AKAP19: variants seen among roughly 807,000 people sequenced by gnomAD.
AKAP19 encodes the protein A-kinase anchoring protein 19, also known as small A-kinase anchoring protein.
chr2:189,987,035 G>A, the AKAP19 span, among the ~76,000 whole-genome samples: 2 of 152,132 alleles, frequency 1.3e-5, no homozygotes, highest in Admixed American at 6.6e-5. Flanking sequence ...GGCATATAAA[G>A]GAACAGGAAA....
At chr2:189,991,498 T>C in the AKAP19 span, among the ~76,000 whole-genome samples, 1 of 152,338 alleles carries the variant, frequency 6.6e-6, no homozygotes, top group Admixed American at 6.5e-5. Context: ...ATATCTCTTT[T>C]GAGAACTGTC....
At chr2:189,955,359 G>C in the AKAP19 span, among the ~76,000 whole-genome samples, 3 of 151,994 alleles carry the variant, frequency 2.0e-5, no homozygotes, top group African/African-American at 7.3e-5. Flanking sequence ...TTAAAATCCA[G>C]TTATCCATTG....
the AKAP19 span, among the ~76,000 whole-genome samples, chr2:189,950,366 G>A: frequency 1.4e-5 from 2 of 144,570 alleles, no homozygotes; most frequent in Admixed American, 7.0e-5. Flanking sequence ...TTTAAGGTTA[G>A]GTAATGAACC....
At chr2:190,029,304 G>A in the AKAP19 span, among the ~76,000 whole-genome samples, 12 of 152,008 alleles carry the variant, frequency 7.9e-5, no homozygotes, top group Non-Finnish European at 1.5e-4. Context: ...TGCCCGCCTC[G>A]GCCTCCGAGA....
the AKAP19 span, among the ~76,000 whole-genome samples, chr2:190,127,676 T>C: frequency 6.6e-6 from 1 of 152,182 alleles, no homozygotes; most frequent in Non-Finnish European, 1.5e-5. Flanking sequence ...AAGGCAATGT[T>C]TACTACCATT....
At chr2:190,021,389 T>C in the AKAP19 span, among the ~76,000 whole-genome samples, 1 of 152,236 alleles carries the variant, frequency 6.6e-6, no homozygotes, top group Non-Finnish European at 1.5e-5. Context: ...TTGTATTCCC[T>C]AGTAGTTTGT....
chr2:189,894,932 T>G, the AKAP19 span, among the ~76,000 whole-genome samples: 1 of 151,518 alleles, frequency 6.6e-6, no homozygotes, highest in African/African-American at 2.4e-5. Context: ...ATTTAGAAAA[T>G]TTAGAATCAA....
the AKAP19 span, among the ~76,000 whole-genome samples, chr2:189,970,291 A>G: frequency 1.3e-5 from 2 of 152,200 alleles, no homozygotes; most frequent in African/African-American, 4.8e-5. Context: ...AAGACATAAA[A>G]CATTGCTAAT....
the AKAP19 span, among the ~76,000 whole-genome samples, chr2:190,174,360 A>G: frequency 6.6e-6 from 1 of 152,196 alleles, no homozygotes; most frequent in Admixed American, 6.5e-5. Context: ...TGCCCATCAG[A>G]GCAGCGCAGA....
the AKAP19 span, among the ~76,000 whole-genome samples, chr2:189,883,331 T>C: frequency 6.6e-6 from 1 of 152,164 alleles, no homozygotes; most frequent in Non-Finnish European, 1.5e-5. Flanking sequence ...TATAAGCCCG[T>C]ATTTCTTACT....
the AKAP19 span, among the ~76,000 whole-genome samples, chr2:190,099,596 A>G: frequency 6.6e-6 from 1 of 152,208 alleles, no homozygotes; most frequent in Non-Finnish European, 1.5e-5. Flanking sequence ...CGACAGAGAC[A>G]CCAAGTGAGC....
chr2:190,085,298 T>C, the AKAP19 span, among the ~76,000 whole-genome samples: 1 of 152,230 alleles, frequency 6.6e-6, no homozygotes, highest in African/African-American at 2.4e-5. Flanking sequence ...ATATTTACAA[T>C]ATTTTATATG....
At chr2:190,077,183 T>C in the AKAP19 span, among the ~76,000 whole-genome samples, 3 of 152,098 alleles carry the variant, frequency 2.0e-5, no homozygotes, top group Non-Finnish European at 4.4e-5. Context: ...ATATTTATAG[T>C]GGCTGTTTTA....
the AKAP19 span, among the ~76,000 whole-genome samples, chr2:189,883,396 A>G: frequency 1.3e-5 from 2 of 151,740 alleles, no homozygotes; most frequent in African/African-American, 4.8e-5. Context: ...GAAGATCTCA[A>G]CCTGACTATG....
the AKAP19 span, among the ~76,000 whole-genome samples, chr2:190,004,607 G>A: frequency 3.4e-4 from 51 of 149,322 alleles, no homozygotes; most frequent in Middle Eastern, 3.5e-3. Flanking sequence ...AGAGCAACAT[G>A]TTTTTCACAC....
At chr2:190,058,626 T>C in the AKAP19 span, among the ~76,000 whole-genome samples, 1 of 152,024 alleles carries the variant, frequency 6.6e-6, no homozygotes, top group East Asian at 1.9e-4. Context: ...AGCGGATGAA[T>C]GGATAAAGAA....
chr2:190,132,121 C>A, the AKAP19 span, among the ~76,000 whole-genome samples: 10 of 152,086 alleles, frequency 6.6e-5, no homozygotes, highest in South Asian at 2.1e-4. Context: ...GAACTGTACA[C>A]CGAAAGCTAT....
At chr2:189,941,979 CA>C in the AKAP19 span, among the ~76,000 whole-genome samples, 1 of 152,058 alleles carries the variant, frequency 6.6e-6, no homozygotes, top group Non-Finnish European at 1.5e-5. Flanking sequence ...AAAAGTATTC[CA>C]TGAAACTGGA....
the AKAP19 span, among the ~76,000 whole-genome samples, chr2:189,959,689 T>C: frequency 1.3e-5 from 2 of 152,192 alleles, no homozygotes; most frequent in African/African-American, 4.8e-5. Flanking sequence ...GTAGTAATTG[T>C]AAACTTAGGA....
Sources: gnomAD v4.1 joint callset for allele counts (sites outside exome capture counted in the v4.1 genomes callset) on GRCh38, gnomAD v4.1.1 for gene constraint, MANE v1.5 for transcripts, NCBI Gene and HGNC (gene_info 2026-07-23, HGNC 2026-07-21) for gene names.